GNA11: variants seen among roughly 807,000 people sequenced by gnomAD.
GNA11 encodes the protein guanine nucleotide-binding protein subunit alpha-11.
In GNA11, 8 loss-of-function variants were observed where a neutral mutation model predicts 38.2. The observed-to-expected ratio is 0.21, with a 90% CI of 0.12 to 0.38. GNA11 has a LOEUF of 0.38. Ranked by LOEUF, GNA11 falls within the 10% of genes least tolerant of loss-of-function variation. The probability of loss-of-function intolerance (pLI) is 1.00; values close to 1 mark genes in which losing one functional copy is unlikely to be tolerated. For synonymous variants in GNA11, 211 were observed against 221.4 expected, an observed-to-expected ratio of 0.95 and a Z score of 0.42; for missense variants, 268 against 516.3, an observed-to-expected ratio of 0.52 and a Z score of 4.66.
chr19:3,114,625 TTGG>T (rs1258353444), intron 3 of GNA11, among the ~76,000 whole-genome samples: 1 of 152,142 alleles, frequency 6.6e-6, no homozygotes, highest in African/African-American at 2.4e-5. Flanking sequence ...GTCTCCCTCC[TTGG>T]TGGCCGTCTC....
At chr19:3,117,492 C>T (rs45455400) in intron 4 of GNA11, 20,333 of 152,418 alleles carry the variant, frequency 0.13, 1,651 homozygotes, top group East Asian at 0.18. Context: ...CGCCATTCTC[C>T]TGCCTCAGCC....
intron 1 of GNA11, among the ~76,000 whole-genome samples, chr19:3,104,414 G>A (rs148271326): frequency 2.0e-5 from 3 of 152,324 alleles, no homozygotes; most frequent in South Asian, 2.1e-4. Context: ...GCTCCCTAGC[G>A]TCTGGGGTCC....
At chr19:3,104,148 A>G (rs74254264) in intron 1 of GNA11, among the ~76,000 whole-genome samples, 14,336 of 152,342 alleles carry the variant, frequency 0.094, 1,285 homozygotes, top group Admixed American at 0.21. Context: ...ATGAGCCCCC[A>G]GCTCCTGCTG....
At chr19:3,100,777 G>A (rs76164417) in intron 1 of GNA11, among the ~76,000 whole-genome samples, 1,779 of 152,300 alleles carry the variant, frequency 0.012, 10 homozygotes, top group Non-Finnish European at 0.017. Flanking sequence ...TCCCTCTCCC[G>A]GCCTCAGTTT....
At chr19:3,095,845 GAGA>G (rs1913350194) in intron 1 of GNA11, among the ~76,000 whole-genome samples, 1 of 152,146 alleles carries the variant, frequency 6.6e-6, no homozygotes, top group Admixed American at 6.5e-5. Context: ...CACCGTCCTG[GAGA>G]AGGTTTGCTG....
chr19:3,116,065 G>C (rs947951635), intron 4 of GNA11, among the ~76,000 whole-genome samples: 1 of 151,878 alleles, frequency 6.6e-6, no homozygotes, highest in Non-Finnish European at 1.5e-5. Context: ...TGTTCTTCAC[G>C]GGCTGCCCCT....
Position 3,121,735 on chromosome 19 carries a change from G to GC in GNA11, c.*557dup. The GC allele has an allele frequency of 4.3e-6, 1 of 233,070 alleles. No individual in the cohort carries two copies. 14.4% of individuals were successfully genotyped at this position (233,070 alleles called of 1,614,324 possible). A position where few individuals can be genotyped will look rare whatever the true frequency, so the allele number is the denominator to read the frequency against. On this transcript the variant is annotated 3_prime_UTR_variant, in exon 7 of 7. Coordinates refer to ENST00000078429, the MANE Select transcript of GNA11 (RefSeq NM_002067.5). ...CTTTTTTAAGTTATTGACGCCCAGC[G>GC]CGCCTCGCCTCTTCACCCATCAACG...
chr19:3,105,429 T>C (rs894652529), intron 1 of GNA11, among the ~76,000 whole-genome samples: 2 of 148,734 alleles, frequency 1.3e-5, no homozygotes, highest in African/African-American at 2.5e-5. Context: ...TGCTTCCTGG[T>C]ACATAGACAG....
rs566082996 is a variant in GNA11, at chr19:3,121,442, C to G, written c.*263C>G. The stretch of plus-strand genomic sequence containing the variant: ...GCCTTTTTCTGGCCTTGACTTATGG[C>G]TCGCTTTTTTCTAAAAAAAAAAAAA... On this transcript the variant is annotated 3_prime_UTR_variant, in exon 7 of 7. Transcript: ENST00000078429. 7.5e-3 allele frequency: 2,287 copies of G among 303,782 alleles called. 32 individuals are homozygous for G. The highest frequency in any genetic ancestry group is 0.01 in the Non-Finnish European group (1,733 of 168,946). The allele number at this position is 303,782 out of a possible 1,614,324, so 18.8% of individuals were successfully genotyped here.
chr19:3,098,440 A>G lies in GNA11; in HGVS notation c.136+3653A>G, dbSNP rs533208158. 2.0e-4 allele frequency among the ~76,000 whole-genome samples: 30 copies of G among 152,298 alleles called. 1 individual carries two copies. In the East Asian group the frequency reaches 5.8e-3, roughly 29 times the overall value. Reference sequence around the variant, plus strand: ...CCCTCGGCTGTTAGGTTTCCGTCTCACTGGTAAACTGTGGAGGGGACCCCC... The same window carrying G: ...CCCTCGGCTGTTAGGTTTCCGTCTCGCTGGTAAACTGTGGAGGGGACCCCC... On this transcript the variant is annotated intron_variant, in intron 1 of 6. Transcript: ENST00000078429.
At chr19:3,109,739 G>A (rs770735645) in intron 1 of GNA11, among the ~76,000 whole-genome samples, 9 of 152,218 alleles carry the variant, frequency 5.9e-5, no homozygotes, top group Non-Finnish European at 1.0e-4. Context: ...CCGCCGCCAC[G>A]TCTGTGTGCT....
Position 3,122,715 on chromosome 19 carries a change from C to T in GNA11, c.*1536C>T, listed in dbSNP as rs1288831808. On this transcript the variant is annotated 3_prime_UTR_variant, in exon 7 of 7. Transcript: ENST00000078429. This position sits in a 1 kb window ranked among gnomAD's most constrained non-coding sequence, Gnocchi z 7.7. ...GGGACCCTGCACGGCTGCTTCTGGCCTCGACAGATGACAAAAGAAACAGCC... is the reference window on the plus strand; with the variant it reads ...GGGACCCTGCACGGCTGCTTCTGGCTTCGACAGATGACAAAAGAAACAGCC... 1 of 233,464 alleles carries T rather than the reference C, an allele frequency of 4.3e-6. No individual in the cohort carries two copies. The highest frequency in any genetic ancestry group is 8.5e-6 in the Non-Finnish European group (1 of 118,314). 14.5% of individuals were successfully genotyped at this position (233,464 alleles called of 1,614,324 possible). A position where few individuals can be genotyped will look rare whatever the true frequency, so the allele number is the denominator to read the frequency against.
rs925811234 is a variant in GNA11 at position 3,122,993 on chromosome 19, C to T, written c.*1814C>T. 2 of 233,202 alleles carry T rather than the reference C, an allele frequency of 8.6e-6. No individual in the cohort carries two copies. 14.4% of individuals were successfully genotyped at this position (233,202 alleles called of 1,614,324 possible). A position where few individuals can be genotyped will look rare whatever the true frequency, so the allele number is the denominator to read the frequency against. On this transcript the variant is annotated 3_prime_UTR_variant, in exon 7 of 7. Transcript: ENST00000078429. This position sits in a 1 kb window ranked among gnomAD's most constrained non-coding sequence, Gnocchi z 7.7. ...CACTTCTGTCTCACCCGGAAGCGTC[C>T]TTTTTTTGTGCCAGGTGTCTACCTA... is the stretch of plus-strand genomic sequence containing the variant.
chr19:3,103,236 G>A (rs539066486), intron 1 of GNA11, among the ~76,000 whole-genome samples: 3 of 152,014 alleles, frequency 2.0e-5, no homozygotes, highest in Middle Eastern at 3.4e-3. Context: ...ATTTTTGAGA[G>A]AGAGTCTCAC....
intron 1 of GNA11, among the ~76,000 whole-genome samples, chr19:3,101,197 C>T (rs747735621): frequency 1.3e-5 from 2 of 152,176 alleles, no homozygotes; most frequent in Non-Finnish European, 2.9e-5. Flanking sequence ...AACTGGAGGG[C>T]GCTGTGTCTG....
intron 4 of GNA11, chr19:3,117,692 C>T (rs1701386701): frequency 6.6e-6 from 1 of 152,480 alleles, no homozygotes; most frequent in Non-Finnish European, 1.5e-5. Flanking sequence ...CGGCTGTGCC[C>T]TCTGTGCCGG....
chr19:3,111,324 C>G (rs1005237235), intron 2 of GNA11, among the ~76,000 whole-genome samples: 2 of 152,224 alleles, frequency 1.3e-5, no homozygotes, highest in Non-Finnish European at 2.9e-5. Flanking sequence ...CCGTCACTCC[C>G]ACCCCCTCCT....
intron 1 of GNA11, among the ~76,000 whole-genome samples, chr19:3,109,349 C>T (rs1306353410): frequency 2.0e-5 from 3 of 152,212 alleles, no homozygotes; most frequent in Admixed American, 6.5e-5. Flanking sequence ...GCCACATGGG[C>T]CCCCTTCCCG....
Position 3,097,276 on chromosome 19 carries a change from C to T in GNA11, c.136+2489C>T, listed in dbSNP as rs144025842. On this transcript the variant is annotated intron_variant, in intron 1 of 6. Transcript: ENST00000078429. ...CCTCTGGGTGGAGGTCCTGGCACTC[C>T]GCAGGAGGCCCAGCCAAGCTGGGTC... Among the ~76,000 whole-genome samples the T allele has an allele frequency of 7.3e-3, 1,110 of 152,258 alleles. 12 individuals carry two copies. Among genetic ancestry groups the T allele is most frequent in the African/African-American group, 0.025 (1,058 of 41,548 alleles).
Sources: allele counts gnomAD v4.1 joint callset (sites outside exome capture counted in the v4.1 genomes callset), GRCh38; gene constraint gnomAD v4.1.1; non-coding constraint Gnocchi (gnomAD v3.1); transcripts MANE v1.5; gene names NCBI Gene and HGNC (gene_info 2026-07-23, HGNC 2026-07-21).